TSPAN11: variants seen among roughly 807,000 people sequenced by gnomAD.
TSPAN11 encodes tetraspanin-11.
A neutral mutation model predicts 32.9 loss-of-function variants in TSPAN11; 29 were observed. The ratio of observed to expected loss-of-function variants is 0.88; its 90% CI spans 0.66 to 1.20. TSPAN11 has a LOEUF of 1.20. Ranked by LOEUF, TSPAN11 falls within the 50% of genes most tolerant of loss-of-function variation. TSPAN11 has a pLI of 0.00. For missense variants in TSPAN11, 283 were observed against 329.1 expected (o/e 0.86, Z 1.08); for synonymous variants, 140 against 141.3 (o/e 0.99, Z 0.07).
intron 3 of TSPAN11, among the ~76,000 whole-genome samples, chr12:30,977,736 C>T (rs1939005118): frequency 6.6e-6 from 1 of 152,058 alleles, no homozygotes; most frequent in Admixed American, 6.5e-5. Context: ...CTGTGCAAGC[C>T]AGGTGGGAGT....
intron 3 of TSPAN11, among the ~76,000 whole-genome samples, chr12:30,974,260 C>T (rs1450185582): frequency 6.6e-6 from 1 of 152,256 alleles, no homozygotes; most frequent in Non-Finnish European, 1.5e-5. Context: ...GCCTGAGAAC[C>T]TGAAGGTAAA....
At position 30,975,165 on chromosome 12, in the gene TSPAN11, C is replaced by T. The variant is rs973692362; in HGVS notation, c.277-3396C>T. Among the ~76,000 whole-genome samples the T allele has an allele frequency of 3.3e-5, 5 of 152,168 alleles. No homozygotes were observed. Among genetic ancestry groups the T allele is most frequent in the Admixed American group, 2.6e-4 (4 of 15,284 alleles). ...TGCCGCAGGGGCCCTGAGATGATCGCGCCGGACCCAGGGAGTCAGGAAAGG... is the reference window on the plus strand; with the variant it reads ...TGCCGCAGGGGCCCTGAGATGATCGTGCCGGACCCAGGGAGTCAGGAAAGG... On this transcript the variant is annotated intron_variant, in intron 3 of 7. Coordinates refer to ENST00000546076, the MANE Select transcript of TSPAN11 (RefSeq NM_001370302.1). The surrounding 1 kb of genome is among the most constrained non-coding windows in gnomAD (Gnocchi z 4.5).
At chr12:31,015,149 G>T in the TSPAN11 span, among the ~76,000 whole-genome samples, 1 of 152,124 alleles carries the variant, frequency 6.6e-6, no homozygotes, top group African/African-American at 2.4e-5. This position sits in a 1 kb window ranked among gnomAD's most constrained non-coding sequence, Gnocchi z 4.9. Flanking sequence ...TCTTCTTTCA[G>T]TTTCTTTGAC....
chr12:30,943,920 T>A (rs1445523033), intron 1 of TSPAN11, among the ~76,000 whole-genome samples: 1 of 152,234 alleles, frequency 6.6e-6, no homozygotes, highest in African/African-American at 2.4e-5. Context: ...GAGGCCTAAA[T>A]TAAGTTATAA....
chr12:30,970,375 CTG>C (rs906859632), intron 3 of TSPAN11, among the ~76,000 whole-genome samples: 5 of 152,182 alleles, frequency 3.3e-5, no homozygotes, highest in Non-Finnish European at 5.9e-5. Flanking sequence ...AGTTCTGAAA[CTG>C]TGTTCTCCTT....
At chr12:30,932,338 ACT>A (rs1315579174) in intron 1 of TSPAN11, among the ~76,000 whole-genome samples, 3 of 152,134 alleles carry the variant, frequency 2.0e-5, no homozygotes, top group Admixed American at 6.5e-5. Flanking sequence ...AGTTTAAAAG[ACT>A]CTGAGCATTT....
intron 6 of TSPAN11, 27 bp downstream of exon 6, chr12:30,982,717 T>G (rs781024643): frequency 6.5e-7 from 1 of 1,532,736 alleles, no homozygotes; most frequent in Non-Finnish European, 8.8e-7. Flanking sequence ...AAGTTGGGGG[T>G]GAGGAGAGGG....
chr12:30,984,552 C>CTTTTTTTTTTTTTTT (rs55772956), intron 7 of TSPAN11, among the ~76,000 whole-genome samples: 3 of 68,574 alleles, frequency 4.4e-5, no homozygotes, highest in African/African-American at 1.1e-4. Context: ...TCGCTTTTTG[C>CTTTTTTTTTTTTTTT]TTTTTTTTTT....
Position 30,928,051 on chromosome 12 carries a change from G to A in TSPAN11, c.-12+1255G>A, listed in dbSNP as rs562409331. Among the ~76,000 whole-genome samples, 19 of 152,256 alleles carry A rather than the reference G, an allele frequency of 1.2e-4. No homozygotes were observed. The South Asian group carries it at 3.9e-3, about 32-fold the overall frequency. On this transcript the variant is annotated intron_variant, in intron 1 of 7. Transcript: ENST00000546076. ...GCTGTTTGGTTTGTGGGTAGCAGAG[G>A]GAGGCATTTGTGTGCTGTTTCCCAC... is the stretch of plus-strand genomic sequence containing the variant.
intron 3 of TSPAN11, among the ~76,000 whole-genome samples, chr12:30,976,659 A>G (rs4931396): frequency 0.96 from 146,781 of 152,196 alleles, 70,825 homozygotes; most frequent in African/African-American, 0.98. Flanking sequence ...CAGAGGGAAC[A>G]TCCCCTTGTG....
chr12:30,979,820 A>C, intron 5 of TSPAN11, 150 bp downstream of exon 5: 3 of 741,280 alleles, frequency 4.0e-6, no homozygotes, highest in Non-Finnish European at 6.7e-6. Context: ...TTTAGGGCAC[A>C]TGAGCATTAA....
At chr12:30,982,761 CT>C in intron 6 of TSPAN11, 71 bp downstream of exon 6, 1 of 1,494,954 alleles carries the variant, frequency 6.7e-7, no homozygotes, top group Non-Finnish European at 9.0e-7. Context: ...CCCAGAAAGG[CT>C]GGGTCAGGCA....
the TSPAN11 span, among the ~76,000 whole-genome samples, chr12:31,016,170 G>T: frequency 6.6e-6 from 1 of 152,184 alleles, no homozygotes; most frequent in African/African-American, 2.4e-5. Flanking sequence ...GACAGATATT[G>T]TATGAGTCCA....
At chr12:30,976,954 G>A (rs1459312904) in intron 3 of TSPAN11, among the ~76,000 whole-genome samples, 1 of 152,214 alleles carries the variant, frequency 6.6e-6, no homozygotes, top group Non-Finnish European at 1.5e-5. Context: ...CAGGGACCTT[G>A]CATTTGTGCT....
intron 3 of TSPAN11, among the ~76,000 whole-genome samples, chr12:30,965,327 T>A (rs1288194809): frequency 6.6e-6 from 1 of 152,192 alleles, no homozygotes; most frequent in Non-Finnish European, 1.5e-5. Flanking sequence ...CCCTCACGCC[T>A]GGAGGTCTGC....
At chr12:31,000,983 G>T (rs1939472457), downstream of TSPAN11, among the ~76,000 whole-genome samples, 1 of 152,162 alleles carries the variant, frequency 6.6e-6, no homozygotes, top group African/African-American at 2.4e-5. Context: ...CCACCCCACT[G>T]CCCTTCCCTG....
chr12:30,926,961 G>A, intron 1 of TSPAN11, 165 bp downstream of exon 1: 1 of 1,280,570 alleles, frequency 7.8e-7, no homozygotes, highest in South Asian at 1.2e-5. Flanking sequence ...GATGAGGAGT[G>A]GAGGAGGCAG....
At chr12:31,013,013 G>A in the TSPAN11 span, among the ~76,000 whole-genome samples, 1 of 152,188 alleles carries the variant, frequency 6.6e-6, no homozygotes, top group Non-Finnish European at 1.5e-5. Flanking sequence ...ACAAATCTAA[G>A]CAAGGGAGTA....
rs1939397201 is a variant in TSPAN11, at chr12:30,995,402, G to A, written c.*3487G>A. 1 of 152,504 alleles carries A rather than the reference G, an allele frequency of 6.6e-6. No homozygotes were observed. The highest frequency in any genetic ancestry group is 6.5e-5 in the Admixed American group (1 of 15,282). The allele number at this position is 152,504 out of a possible 1,614,324, so 9.4% of individuals were successfully genotyped here. A position where few individuals can be genotyped will look rare whatever the true frequency, so the allele number is the denominator to read the frequency against. ...GGGCACCTGCTATTGCTGGGGCTCT[G>A]GGGTGGACCCTGTGTGATTTCTGTC... is the stretch of plus-strand genomic sequence containing the variant. On this transcript the variant is annotated 3_prime_UTR_variant, in exon 8 of 8. Transcript: ENST00000546076.
Sources: allele counts gnomAD v4.1 joint callset (sites outside exome capture counted in the v4.1 genomes callset), GRCh38; gene constraint gnomAD v4.1.1; non-coding constraint Gnocchi (gnomAD v3.1); transcripts MANE v1.5; gene names NCBI Gene and HGNC (gene_info 2026-07-23, HGNC 2026-07-21).